The following PXN variants were observed in gnomAD, a reference collection of about 807,000 sequenced individuals.
The protein encoded by PXN is paxillin.
In PXN, 61 loss-of-function variants were observed where a neutral mutation model predicts 103.6. The ratio of observed to expected loss-of-function variants is 0.59; its 90% CI spans 0.48 to 0.73. The LOEUF is 0.73. Ranked by LOEUF, PXN falls within the 30% of genes least tolerant of loss-of-function variation. PXN has a pLI of 0.00. For synonymous variants in PXN, 562 were observed against 607.8 expected, an observed-to-expected ratio of 0.92 and a Z score of 1.11; for missense variants, 1,274 against 1,460.3, an observed-to-expected ratio of 0.87 and a Z score of 2.08.
At chr12:120,218,026 G>A (rs1289865767) in intron 7 of PXN, among the ~76,000 whole-genome samples, 1 of 149,748 alleles carries the variant, frequency 6.7e-6, no homozygotes, top group Non-Finnish European at 1.5e-5. Context: ...TTCCAAAGAG[G>A]CATAAAGCTT....
chr12:120,219,601 G>A lies in PXN; in HGVS notation c.1322C>T (p.Ser441Leu), dbSNP rs761900234. Residue 441 changes from serine to leucine, a missense_variant, in exon 7 of 15, where the codon TCG (serine) becomes TTG (leucine). This residue lies in a region of PXN where 1,178 missense variants were observed against 1,309.0 expected (regional missense o/e 0.90). Coordinates refer to ENST00000637617, the MANE Select transcript of PXN (RefSeq NM_001385981.1). The surrounding 1 kb of genome is among the most constrained non-coding windows in gnomAD (Gnocchi z 6.5). Reference sequence around the variant, plus strand: ...CATTCTCTCAGGCCCGAATACCTCCGAAGCCCATGGCTGCTCCCATGTGGC... The same window carrying A: ...CATTCTCTCAGGCCCGAATACCTCCAAAGCCCATGGCTGCTCCCATGTGGC... ...LAATWEQPWA[S>L]EVFGPERMPP... 126 of 1,565,200 alleles carry A rather than the reference G, an allele frequency of 8.1e-5. No individual in the cohort carries two copies. Among genetic ancestry groups the A allele is most frequent in the African/African-American group, 2.7e-5 (2 of 74,100 alleles).
At chr12:120,223,618 T>C (rs1885920680) in intron 3 of PXN, 100 bp downstream of exon 3, 1 of 874,978 alleles carries the variant, frequency 1.1e-6, no homozygotes, top group African/African-American at 1.7e-5. Context: ...AAGGCCCAGT[T>C]GCTATGCCTG....
At chr12:120,251,197 T>G (rs1377396111) in intron 1 of PXN, among the ~76,000 whole-genome samples, 2 of 149,164 alleles carry the variant, frequency 1.3e-5, no homozygotes, top group East Asian at 2.0e-4. Context: ...GGAACGAGAC[T>G]CTGTCTCAAA....
chr12:120,253,017 AAAAG>A (rs1892446220), intron 1 of PXN, among the ~76,000 whole-genome samples: 3 of 151,480 alleles, frequency 2.0e-5, no homozygotes, highest in Non-Finnish European at 2.9e-5. Flanking sequence ...AAAAAAAAAA[AAAAG>A]GAACAACATG....
chr12:120,238,592 C>T (rs1002271559), intron 1 of PXN, among the ~76,000 whole-genome samples: 3 of 152,222 alleles, frequency 2.0e-5, no homozygotes, highest in East Asian at 1.9e-4. Flanking sequence ...AGTACGTGGC[C>T]GCAATGCCCA....
At position 120,216,627 on chromosome 12, in the gene PXN, C is replaced by T. The variant is rs11065052; in HGVS notation, c.1993-46G>A. On this transcript the variant is annotated intron_variant, in intron 8 of 14. Transcript: ENST00000637617. This position sits in a 1 kb window ranked among gnomAD's most constrained non-coding sequence, Gnocchi z 5.1. ...AGAGCGATGAGGAAGAAATCGCCAGCTCAGCCCACAGGGGTGGCGGGACCT... is the reference window on the plus strand; with the variant it reads ...AGAGCGATGAGGAAGAAATCGCCAGTTCAGCCCACAGGGGTGGCGGGACCT... The T allele has an allele frequency of 4.2e-3, 6,344 of 1,526,924 alleles. 275 individuals carry two copies. The African/African-American group carries it at 0.081, about 19-fold the overall frequency. The allele number at this position is 1,526,924 out of a possible 1,614,324, so 94.6% of individuals were successfully genotyped here. A position where few individuals can be genotyped will look rare whatever the true frequency, so the allele number is the denominator to read the frequency against.
intron 1 of PXN, among the ~76,000 whole-genome samples, chr12:120,238,148 G>A (rs1889453249): frequency 6.6e-6 from 1 of 152,184 alleles, no homozygotes. Context: ...AAAAAAAGGA[G>A]AGAAGATATT....
rs1429339074 is a variant in PXN, at chr12:120,222,764, G to A, written c.494-14C>T. The A allele has an allele frequency of 6.2e-7, 1 of 1,601,498 alleles. No homozygotes were observed. The highest frequency in any genetic ancestry group is 1.1e-5 in the South Asian group (1 of 89,632). ...AGTTGGCCTCATCTTGCAGAGAGGAGAGAAAAAGGCTGCTCAGCCCTTGAG... is the reference window on the plus strand; with the variant it reads ...AGTTGGCCTCATCTTGCAGAGAGGAAAGAAAAAGGCTGCTCAGCCCTTGAG... On this transcript the variant is annotated splice_polypyrimidine_tract_variant and intron_variant, in intron 4 of 14. Transcript: ENST00000637617. This position sits in a 1 kb window ranked among gnomAD's most constrained non-coding sequence, Gnocchi z 4.7.
chr12:120,262,762 C>A (rs1413052954), intron 1 of PXN, among the ~76,000 whole-genome samples: 2 of 152,160 alleles, frequency 1.3e-5, no homozygotes, highest in Admixed American at 6.6e-5. Context: ...GTTGTGGGAA[C>A]TCTGTCCAGG....
Position 120,220,142 on chromosome 12 carries a change from G to C in PXN, c.832-51C>G. The C allele has an allele frequency of 3.3e-5, 24 of 732,582 alleles. No individual in the cohort carries two copies. Among genetic ancestry groups the C allele is most frequent in the Non-Finnish European group, 5.2e-5 (24 of 461,530 alleles). 45.4% of individuals were successfully genotyped at this position (732,582 alleles called of 1,614,324 possible). A position where few individuals can be genotyped will look rare whatever the true frequency, so the allele number is the denominator to read the frequency against. On this transcript the variant is annotated intron_variant, in intron 6 of 14. Coordinates refer to ENST00000637617, the MANE Select transcript of PXN (RefSeq NM_001385981.1). The surrounding 1 kb of genome is among the most constrained non-coding windows in gnomAD (Gnocchi z 6.1). ...GAGAGGAGAGAGAGAGATGAGGGGA[G>C]TGAGGACGGCTGCACCTTGCAGGCG...
chr12:120,242,123 T>G (rs1183781), intron 1 of PXN, among the ~76,000 whole-genome samples: 43,349 of 151,978 alleles, frequency 0.29, 9,261 homozygotes, highest in African/African-American at 0.58. Flanking sequence ...AGAGCCACAG[T>G]GTTCCCTGAG....
rs773941176 is a variant in PXN at position 120,229,919 on chromosome 12, C to T, written c.14-5542G>A. On this transcript the variant is annotated intron_variant, in intron 1 of 14. Transcript: ENST00000637617. This position sits in a 1 kb window ranked among gnomAD's most constrained non-coding sequence, Gnocchi z 4.0. ...CCAGGGCCCCGTGGTCCCTGCCCAC[C>T]TTTGCCATTCTGGACTCCTCCACCA... 6.6e-6 allele frequency among the ~76,000 whole-genome samples: 1 copy of T among 152,176 alleles called. No homozygotes were observed. Among genetic ancestry groups the T allele is most frequent in the Admixed American group, 6.5e-5 (1 of 15,288 alleles).
rs929783995 is a variant in PXN, at chr12:120,224,699, G to T, written c.14-322C>A. 8 of 593,006 alleles carry T rather than the reference G, an allele frequency of 1.3e-5. No homozygotes were observed. The African/African-American group carries it at 1.5e-4, about 11-fold the overall frequency. The allele number at this position is 593,006 out of a possible 1,614,324, so 36.7% of individuals were successfully genotyped here. A position where few individuals can be genotyped will look rare whatever the true frequency, so the allele number is the denominator to read the frequency against. Reference sequence around the variant, plus strand: ...CCTCCTGACAGGGCCGCGCAGCCGCGAGTGAAGTGCCTGTCTGGAACTCTG... The same window carrying T: ...CCTCCTGACAGGGCCGCGCAGCCGCTAGTGAAGTGCCTGTCTGGAACTCTG... On this transcript the variant is annotated intron_variant, in intron 1 of 14. Transcript: ENST00000637617. The surrounding 1 kb of genome is among the most constrained non-coding windows in gnomAD (Gnocchi z 5.0).
chr12:120,221,808 T>TGCAGGG lies in PXN; in HGVS notation c.696-51_696-50insCCCTGC. 6.6e-7 allele frequency: 1 copy of TGCAGGG among 1,510,834 alleles called. No individual in the cohort carries two copies. Among genetic ancestry groups the TGCAGGG allele is most frequent in the African/African-American group, 1.4e-5 (1 of 72,704 alleles). The allele number at this position is 1,510,834 out of a possible 1,614,324, so 93.6% of individuals were successfully genotyped here. ...GGGGAGCCCACAGTCAGCCCCACACTTCCCGGGGATCAGATCGACCTCTCA... is the reference window on the plus strand; with the variant it reads ...GGGGAGCCCACAGTCAGCCCCACACTGCAGGGTCCCGGGGATCAGATCGACCTCTCA... On this transcript the variant is annotated intron_variant, in intron 5 of 14. Coordinates refer to ENST00000637617, the MANE Select transcript of PXN (RefSeq NM_001385981.1). This position sits in a 1 kb window ranked among gnomAD's most constrained non-coding sequence, Gnocchi z 6.6.
chr12:120,230,777 G>A (rs534998486), intron 1 of PXN, among the ~76,000 whole-genome samples: 4 of 152,112 alleles, frequency 2.6e-5, no homozygotes, highest in Admixed American at 1.3e-4. Flanking sequence ...CCTGATAACC[G>A]TCTGTCCTCA....
At chr12:120,236,175 G>A (rs1309020028) in intron 1 of PXN, among the ~76,000 whole-genome samples, 1 of 152,208 alleles carries the variant, frequency 6.6e-6, no homozygotes. Flanking sequence ...GGCTGCAGAG[G>A]GCACAACACG....
intron 1 of PXN, among the ~76,000 whole-genome samples, chr12:120,237,402 T>C (rs1889298920): frequency 6.6e-6 from 1 of 152,166 alleles, no homozygotes. Flanking sequence ...CCATTGCTTT[T>C]ATTTTGGAGA....
chr12:120,249,822 A>G, intron 1 of PXN: 1 of 978,326 alleles, frequency 1.0e-6, no homozygotes, highest in Non-Finnish European at 1.2e-6. Context: ...AGAAGAGGCC[A>G]TTTGAGGTGG....
intron 1 of PXN, among the ~76,000 whole-genome samples, chr12:120,261,599 G>C (rs758498251): frequency 2.0e-5 from 3 of 152,094 alleles, no homozygotes; most frequent in Non-Finnish European, 2.9e-5. Flanking sequence ...AGACGCAAGA[G>C]AAGCTTCAGA....
Sources: gnomAD v4.1 joint callset for allele counts (sites outside exome capture counted in the v4.1 genomes callset) on GRCh38, gnomAD v4.1.1 for gene constraint, gnomAD v4.1.1 regional missense constraint, Gnocchi (gnomAD v3.1) non-coding constraint, MANE v1.5 for transcripts, NCBI Gene and HGNC (gene_info 2026-07-23, HGNC 2026-07-21) for gene names.